Variants in HLTF observed in about 807,000 individuals in gnomAD.
The protein encoded by HLTF is helicase like transcription factor, also known as DNA-dependent ATPase/E3 ubiquitin-protein ligase HLTF.
HLTF carries 127 observed loss-of-function variants against 129.4 expected under a neutral mutation model. That is an observed-to-expected ratio of 0.98 (90% CI 0.85 to 1.14). The LOEUF (loss-of-function observed/expected upper bound fraction) is 1.14, where lower values mean the gene tolerates loss of function less well. HLTF is among the 50% of genes most tolerant of loss of function. The probability of loss-of-function intolerance (pLI) is 0.00; values close to 1 mark genes in which losing one functional copy is unlikely to be tolerated. For missense variants in HLTF, 1,139 were observed against 1,187.1 expected, an observed-to-expected ratio of 0.96 and a Z score of 0.60; for synonymous variants, 332 against 388.8, an observed-to-expected ratio of 0.85 and a Z score of 1.72.
At chr3:149,037,928 A>G (rs1250431542) in intron 23 of HLTF, among the ~76,000 whole-genome samples, 3 of 152,182 alleles carry the variant, frequency 2.0e-5, no homozygotes, top group African/African-American at 7.2e-5. Context: ...TTGGTGAGTA[A>G]AGTTCAAAGT....
chr3:149,085,297 C>A (rs971905329), intron 1 of HLTF, among the ~76,000 whole-genome samples: 5 of 152,160 alleles, frequency 3.3e-5, no homozygotes, highest in Non-Finnish European at 5.9e-5. Flanking sequence ...TTGAGACCAA[C>A]CTGGCCAACA....
intron 15 of HLTF, 43 bp downstream of exon 15, chr3:149,050,189 C>T (rs1716867690): frequency 7.6e-7 from 1 of 1,316,782 alleles, no homozygotes. Context: ...ATATTTCTTA[C>T]ATTCAATCTT....
intron 2 of HLTF, among the ~76,000 whole-genome samples, chr3:149,082,225 G>A (rs1197263681): frequency 6.6e-6 from 1 of 152,154 alleles, no homozygotes; most frequent in African/African-American, 2.4e-5. Flanking sequence ...TTGGGAGGCC[G>A]AGGCGGGCGG....
In HLTF at chr3:149,064,713, C is replaced by T. The variant is rs369282626; in HGVS notation, c.1066+78G>A. Reference sequence around the variant, plus strand: ...GAATTACAATATTAGGCTGAAAAAACGCAAATCAAATATTGGGTCATATTC... The same window carrying T: ...GAATTACAATATTAGGCTGAAAAAATGCAAATCAAATATTGGGTCATATTC... On this transcript the variant is annotated intron_variant, in intron 9 of 24. Coordinates refer to ENST00000310053, the MANE Select transcript of HLTF (RefSeq NM_003071.4). 1,609 of 931,260 alleles carry T rather than the reference C, an allele frequency of 1.7e-3. 4 individuals are homozygous for T. Among genetic ancestry groups the T allele is most frequent in the Non-Finnish European group, 2.3e-3 (1,300 of 573,808 alleles). The allele number at this position is 931,260 out of a possible 1,614,324, so 57.7% of individuals were successfully genotyped here.
chr3:149,085,382 G>C (rs530321985), intron 1 of HLTF, among the ~76,000 whole-genome samples: 6 of 152,054 alleles, frequency 3.9e-5, no homozygotes, highest in Non-Finnish European at 8.8e-5. Flanking sequence ...CCAGCTACTC[G>C]GGAGGCTGAG....
At chr3:149,077,826 T>G (rs140692211) in intron 2 of HLTF, among the ~76,000 whole-genome samples, 3 of 152,168 alleles carry the variant, frequency 2.0e-5, no homozygotes, top group Non-Finnish European at 4.4e-5. Flanking sequence ...AGGAATGCCC[T>G]AACATACAGA....
chr3:149,056,109 G>T (rs1211313217), intron 13 of HLTF, among the ~76,000 whole-genome samples: 1 of 152,100 alleles, frequency 6.6e-6, no homozygotes, highest in Non-Finnish European at 1.5e-5. Context: ...AGATGACGGC[G>T]GCCCCTGAAG....
chr3:149,030,255 C>A lies in HLTF; in HGVS notation c.*1965G>T, dbSNP rs1191440374. 1 of 152,074 alleles carries A rather than the reference C, an allele frequency of 6.6e-6. No individual in the cohort carries two copies. Among genetic ancestry groups the A allele is most frequent in the African/African-American group, 2.4e-5 (1 of 41,412 alleles). The allele number at this position is 152,074 out of a possible 1,614,324, so 9.4% of individuals were successfully genotyped here. A position where few individuals can be genotyped will look rare whatever the true frequency, so the allele number is the denominator to read the frequency against. ...GTTATTTTTCTATATAATAATAAGA[C>A]AACAGCATAGCATATAGGAAGTTTT... On this transcript the variant is annotated 3_prime_UTR_variant, in exon 25 of 25. Transcript: ENST00000310053.
intron 23 of HLTF, among the ~76,000 whole-genome samples, chr3:149,037,120 C>T (rs1257542128): frequency 1.3e-5 from 2 of 152,046 alleles, no homozygotes; most frequent in African/African-American, 4.8e-5. Context: ...TTTATAGTAG[C>T]CATAAAATAC....
At chr3:149,038,746 C>T (rs1195946085) in intron 23 of HLTF, among the ~76,000 whole-genome samples, 1 of 152,124 alleles carries the variant, frequency 6.6e-6, no homozygotes, top group East Asian at 1.9e-4. Flanking sequence ...CTCCTGAGCT[C>T]AGGCAATCCA....
rs542922968 is a variant in HLTF at position 149,076,107 on chromosome 3, T to C, written c.229-60A>G. ...TAAATAATAGACAATAACTTTGTTA[T>C]ACTTTATCTGGGATTTCCATTCATT... is the stretch of plus-strand genomic sequence containing the variant. On this transcript the variant is annotated intron_variant, in intron 2 of 24. Coordinates refer to ENST00000310053, the MANE Select transcript of HLTF (RefSeq NM_003071.4). 6 of 644,814 alleles carry C rather than the reference T, an allele frequency of 9.3e-6. No individual in the cohort carries two copies. The South Asian group carries it at 1.7e-4, about 18-fold the overall frequency. 39.9% of individuals were successfully genotyped at this position (644,814 alleles called of 1,614,324 possible).
chr3:149,078,955 G>A (rs1250296955), intron 2 of HLTF, among the ~76,000 whole-genome samples: 1 of 151,830 alleles, frequency 6.6e-6, no homozygotes, highest in Non-Finnish European at 1.5e-5. Context: ...TCACCAAACA[G>A]CAATTCTAGA....
At chr3:149,069,046 C>A (rs1221155366) in intron 7 of HLTF, among the ~76,000 whole-genome samples, 4 of 152,048 alleles carry the variant, frequency 2.6e-5, no homozygotes, top group African/African-American at 4.8e-5. Context: ...TGCACTAATC[C>A]TACAAAAAGC....
At chr3:149,036,820 A>T (rs767122886) in intron 23 of HLTF, among the ~76,000 whole-genome samples, 111 of 152,262 alleles carry the variant, frequency 7.3e-4, no homozygotes, top group Admixed American at 3.1e-3. Flanking sequence ...TTGAATCATT[A>T]TGTTTCTCGG....
intron 1 of HLTF, 84 bp from the exon 2 acceptor site, chr3:149,084,973 T>A: frequency 1.1e-6 from 1 of 914,142 alleles, no homozygotes; most frequent in South Asian, 1.6e-5. Context: ...CATGCTTTAC[T>A]TCAGCAAATG....
At chr3:149,060,492 C>T in intron 12 of HLTF, 151 bp downstream of exon 12, 9 of 584,914 alleles carry the variant, frequency 1.5e-5, no homozygotes, top group South Asian at 3.0e-5. Flanking sequence ...AATTTAAAAC[C>T]CATGGTTAGC....
intron 13 of HLTF, among the ~76,000 whole-genome samples, chr3:149,055,985 T>C (rs1234625099): frequency 2.0e-5 from 3 of 152,240 alleles, no homozygotes; most frequent in East Asian, 1.9e-4. Flanking sequence ...AGGCAACTTA[T>C]GGAAGGATGC....
At position 149,040,147 on chromosome 3, in the gene HLTF, T is replaced by C; in HGVS notation, c.2386A>G (p.Lys796Glu). 6.2e-7 allele frequency: 1 copy of C among 1,606,988 alleles called. No homozygotes were observed. The highest frequency in any genetic ancestry group is 8.5e-7 in the Non-Finnish European group (1 of 1,177,758). ...ATATCATTTCTGCATAAAGGGCATTTAGCATGTGGCTATATAAGAAAGAAC... is the reference window on the plus strand; with the variant it reads ...ATATCATTTCTGCATAAAGGGCATTCAGCATGTGGCTATATAAGAAAGAAC... ...QVIQNEQPHA[K>E]CPLCRNDIHE... The change falls in exon 21 of 25, where the codon AAA (lysine) becomes GAA (glutamate). Residue 796 changes from lysine to glutamate, a missense_variant. Transcript: ENST00000310053.
chr3:149,048,334 T>C (rs953008357), intron 16 of HLTF, among the ~76,000 whole-genome samples, 171 bp from the exon 17 acceptor site: 9 of 152,208 alleles, frequency 5.9e-5, no homozygotes, highest in African/African-American at 2.2e-4. Flanking sequence ...ATTAAAAATA[T>C]ACACATCTCA....
Sources: gnomAD v4.1 joint callset for allele counts (sites outside exome capture counted in the v4.1 genomes callset) on GRCh38, gnomAD v4.1.1 for gene constraint, MANE v1.5 for transcripts, NCBI Gene and HGNC (gene_info 2026-07-23, HGNC 2026-07-21) for gene names.